Variants in CREBBP observed in about 807,000 individuals in gnomAD.
CREBBP encodes CREB-binding protein.
Under a neutral mutation model 265.0 loss-of-function variants are expected in CREBBP, and 19 were observed. The ratio of observed to expected loss-of-function variants is 0.07; its 90% confidence interval spans 0.05 to 0.11. The LOEUF (loss-of-function observed/expected upper bound fraction) is 0.11. CREBBP is among the 10% of genes least tolerant of loss of function. CREBBP has a pLI of 1.00. For missense variants in CREBBP, 2,525 were observed against 3,219.0 expected (o/e 0.78, Z 5.22); for synonymous variants, 1,457 against 1,223.7 (o/e 1.19, Z -3.98).
rs13330339 is a variant in CREBBP at position 3,796,791 on chromosome 16, C to A, written c.976-3165G>T. 6.3e-3 allele frequency among the ~76,000 whole-genome samples: 964 copies of A among 152,284 alleles called. 12 individuals are homozygous for A. The highest frequency in any genetic ancestry group is 0.022 in the African/African-American group (915 of 41,540). ...ATTTAAAATTTGTTCTGTTATTTGT[C>A]TACCTCTGGATGGAGGACAAATGCA... On this transcript the variant is annotated intron_variant, in intron 3 of 30. Transcript: ENST00000262367.
At chr16:3,853,265 T>C (rs939886255) in intron 1 of CREBBP, among the ~76,000 whole-genome samples, 1 of 152,206 alleles carries the variant, frequency 6.6e-6, no homozygotes. Context: ...GTACTGTCTA[T>C]TATTATTACT....
chr16:3,876,029 T>G (rs1419491374), intron 1 of CREBBP, among the ~76,000 whole-genome samples: 2 of 152,092 alleles, frequency 1.3e-5, no homozygotes, highest in African/African-American at 4.8e-5. Context: ...ATCTTCAGAA[T>G]GTAGTTTTTC....
At chr16:3,852,358 C>A (rs532090915) in intron 1 of CREBBP, among the ~76,000 whole-genome samples, 1 of 150,850 alleles carries the variant, frequency 6.6e-6, no homozygotes, top group South Asian at 2.1e-4. Flanking sequence ...TTAGTAGAGA[C>A]GGGGTTTCAC....
chr16:3,858,246 T>A (rs2055003853), intron 1 of CREBBP, among the ~76,000 whole-genome samples: 1 of 152,206 alleles, frequency 6.6e-6, no homozygotes, highest in Admixed American at 6.5e-5. Context: ...CAATAACATT[T>A]GAAAACAGCC....
chr16:3,725,220 C>T lies in CREBBP; in HGVS notation c.*2498G>A, dbSNP rs375742594. ...CTTACAGAAATTTCCTTACGACAAACTTAGGGTTAGCATCCACAGACCATG... is the reference window on the plus strand; with the variant it reads ...CTTACAGAAATTTCCTTACGACAAATTTAGGGTTAGCATCCACAGACCATG... On this transcript the variant is annotated 3_prime_UTR_variant, in exon 31 of 31. Transcript: ENST00000262367. 27 of 233,526 alleles carry T rather than the reference C, an allele frequency of 1.2e-4. No homozygotes were observed. Among genetic ancestry groups the T allele is most frequent in the East Asian group, 6.0e-4 (10 of 16,578 alleles). 14.5% of individuals were successfully genotyped at this position (233,526 alleles called of 1,614,324 possible).
At chr16:3,811,446 T>C (rs2053936489) in intron 2 of CREBBP, among the ~76,000 whole-genome samples, 1 of 152,208 alleles carries the variant, frequency 6.6e-6, no homozygotes, top group Non-Finnish European at 1.5e-5. Flanking sequence ...GATGACCCAC[T>C]TTCACTTAAT....
intron 20 of CREBBP, among the ~76,000 whole-genome samples, chr16:3,750,392 C>T (rs369531623): frequency 2.0e-5 from 3 of 152,180 alleles, no homozygotes; most frequent in East Asian, 3.8e-4. Flanking sequence ...GGAAGAAGCT[C>T]CTGTGGCAAA....
At chr16:3,778,283 C>A (rs980678737) in intron 9 of CREBBP, 101 bp from the exon 10 acceptor site, 2 of 981,156 alleles carry the variant, frequency 2.0e-6, no homozygotes, top group Middle Eastern at 3.1e-4. Context: ...TCATTGAGTA[C>A]ACTGGCAAAA....
chr16:3,732,076 T>C, intron 28 of CREBBP, 139 bp from the exon 29 acceptor site: 2 of 1,505,514 alleles, frequency 1.3e-6, no homozygotes, highest in Non-Finnish European at 1.8e-6. Context: ...CGTGAACGGC[T>C]ACAGGTGGCT....
chr16:3,753,428 G>C (rs550466111), intron 19 of CREBBP, among the ~76,000 whole-genome samples: 1 of 152,326 alleles, frequency 6.6e-6, no homozygotes, highest in South Asian at 2.1e-4. Context: ...GAACATGACA[G>C]ATTCACTAGA....
intron 1 of CREBBP, among the ~76,000 whole-genome samples, chr16:3,879,614 G>T (rs951587502): frequency 6.6e-6 from 1 of 152,230 alleles, no homozygotes; most frequent in African/African-American, 2.4e-5. Context: ...CGGGTGCGGG[G>T]AGGCCGAGTG....
rs778950613 is a variant in CREBBP at position 3,728,493 on chromosome 16, A to G, written c.6554T>C (p.Met2185Thr). 2.5e-6 allele frequency: 4 copies of G among 1,613,804 alleles called. No individual in the cohort carries two copies. Among genetic ancestry groups the G allele is most frequent in the Non-Finnish European group, 2.5e-6 (3 of 1,179,952 alleles). ...NPGHNPNMASMNPQYREMLRR... is the reference protein window; with the variant it reads ...NPGHNPNMASTNPQYREMLRR... ...TAACATTTCTCGGTACTGTGGATTC[A>G]TACTCGCCATGTTGGGGTTGTGTCC... Residue 2185 changes from methionine to threonine, a missense_variant, in exon 31 of 31, where the codon ATG becomes ACG. By Grantham distance (81) the Met-to-Thr change is moderately conservative. Transcript: ENST00000262367. This position sits in a 1 kb window ranked among gnomAD's most constrained non-coding sequence, Gnocchi z 8.7.
chr16:3,828,948 C>A (rs1049984894), intron 2 of CREBBP, among the ~76,000 whole-genome samples: 15 of 152,132 alleles, frequency 9.9e-5, no homozygotes, highest in Admixed American at 4.6e-4. Flanking sequence ...TTCTGCTCTT[C>A]CTCTTACTGT....
chr16:3,803,516 C>T (rs2053768334), intron 3 of CREBBP, among the ~76,000 whole-genome samples: 1 of 151,480 alleles, frequency 6.6e-6, no homozygotes, highest in Non-Finnish European at 1.5e-5. Flanking sequence ...ACAACAACAA[C>T]AACAAAAAAA....
chr16:3,856,068 A>C (rs1261932259), intron 1 of CREBBP, among the ~76,000 whole-genome samples: 1 of 152,244 alleles, frequency 6.6e-6, no homozygotes, highest in Non-Finnish European at 1.5e-5. Flanking sequence ...ATATACAATC[A>C]CATGTCAACT....
Position 3,878,528 on chromosome 16 carries a change from G to C in CREBBP, c.85+1304C>G, listed in dbSNP as rs75712169. On this transcript the variant is annotated intron_variant, in intron 1 of 30. Coordinates refer to ENST00000262367, the MANE Select transcript of CREBBP (RefSeq NM_004380.3). Reference sequence around the variant, plus strand: ...TATTAAACGTCGCTTATCATAACTTGATTCCAGGAATTGTATTCAAACTTA... The same window carrying C: ...TATTAAACGTCGCTTATCATAACTTCATTCCAGGAATTGTATTCAAACTTA... Among the ~76,000 whole-genome samples the C allele has an allele frequency of 6.6e-5, 10 of 152,250 alleles. No homozygotes were observed. The East Asian group carries it at 1.7e-3, about 26-fold the overall frequency.
intron 1 of CREBBP, among the ~76,000 whole-genome samples, chr16:3,870,406 A>C (rs571786536): frequency 6.6e-6 from 1 of 152,230 alleles, no homozygotes; most frequent in Non-Finnish European, 1.5e-5. Context: ...TACTATATTT[A>C]TAATTTCTCT....
At chr16:3,837,138 T>C (rs1245533780) in intron 2 of CREBBP, among the ~76,000 whole-genome samples, 1 of 152,184 alleles carries the variant, frequency 6.6e-6, no homozygotes, top group Non-Finnish European at 1.5e-5. Context: ...AGCATTGTCA[T>C]TATAGGAGAT....
intron 15 of CREBBP, 99 bp downstream of exon 15, chr16:3,769,075 A>C: frequency 1.5e-6 from 2 of 1,356,752 alleles, no homozygotes; most frequent in South Asian, 1.2e-5. Context: ...TATTTTAACT[A>C]AAGTCAGGGA....
Sources: allele counts gnomAD v4.1 joint callset (sites outside exome capture counted in the v4.1 genomes callset), GRCh38; gene constraint gnomAD v4.1.1; non-coding constraint Gnocchi (gnomAD v3.1); transcripts MANE v1.5; gene names NCBI Gene and HGNC (gene_info 2026-07-23, HGNC 2026-07-21).